Variants in ROBO1 observed in about 807,000 individuals in gnomAD.
ROBO1 encodes roundabout homolog 1.
Under a neutral mutation model 195.9 loss-of-function variants are expected in ROBO1, and 149 were observed. The observed-to-expected ratio is 0.76, with a 90% CI of 0.67 to 0.87. The LOEUF (loss-of-function observed/expected upper bound fraction) is 0.87. Among genes scored for constraint, ROBO1 ranks in the 40% least tolerant of loss-of-function variants. The probability of loss-of-function intolerance (pLI) is 0.00; values close to 1 mark genes in which losing one functional copy is unlikely to be tolerated. For synonymous variants in ROBO1, 816 were observed against 733.2 expected, an observed-to-expected ratio of 1.11 and a Z score of -1.82; for missense variants, 1,933 against 2,068.3, an observed-to-expected ratio of 0.93 and a Z score of 1.27.
chr3:79,164,158 C>T (rs768397447), intron 2 of ROBO1, among the ~76,000 whole-genome samples: 1 of 152,114 alleles, frequency 6.6e-6, no homozygotes, highest in Non-Finnish European at 1.5e-5. Context: ...GAGTCCTCAA[C>T]ATTACACAGT....
At chr3:79,088,180 T>C (rs936101114) in intron 3 of ROBO1, among the ~76,000 whole-genome samples, 1 of 149,574 alleles carries the variant, frequency 6.7e-6, no homozygotes, top group Non-Finnish European at 1.5e-5. Context: ...ACTCTGTCAC[T>C]ATAATATCTG....
chr3:79,694,955 A>C (rs1242985524), intron 1 of ROBO1, among the ~76,000 whole-genome samples: 1 of 151,012 alleles, frequency 6.6e-6, no homozygotes, highest in African/African-American at 2.5e-5. Context: ...TTATGAAAAT[A>C]ATTATAATAA....
At chr3:78,782,279 C>T (rs1403678838) in intron 4 of ROBO1, among the ~76,000 whole-genome samples, 1 of 151,948 alleles carries the variant, frequency 6.6e-6, no homozygotes, top group Non-Finnish European at 1.5e-5. Flanking sequence ...TCTCTGTAAC[C>T]TGTGCCTCCT....
At chr3:79,600,642 C>T (rs1332412337) in intron 1 of ROBO1, among the ~76,000 whole-genome samples, 2 of 103,666 alleles carry the variant, frequency 1.9e-5, no homozygotes, top group Non-Finnish European at 4.7e-5. Context: ...AAAAAGAACG[C>T]CTGCTGATTT....
At chr3:79,498,670 G>A (rs1939883356) in intron 2 of ROBO1, among the ~76,000 whole-genome samples, 1 of 151,920 alleles carries the variant, frequency 6.6e-6, no homozygotes, top group Non-Finnish European at 1.5e-5. Context: ...CCTGCTCAAC[G>A]TGGTGAAACC....
chr3:79,600,389 G>A (rs1005414212), intron 1 of ROBO1, among the ~76,000 whole-genome samples: 1 of 151,946 alleles, frequency 6.6e-6, no homozygotes, highest in Non-Finnish European at 1.5e-5. Context: ...GGTCTGTCTT[G>A]ACACATGTTG....
intron 1 of ROBO1, among the ~76,000 whole-genome samples, chr3:79,734,009 G>A (rs1258112587): frequency 6.8e-6 from 1 of 147,936 alleles, no homozygotes; most frequent in Non-Finnish European, 1.5e-5. Flanking sequence ...TTGCAATGGT[G>A]CGATCTGGTC....
chr3:78,966,637 C>T (rs949929054), intron 3 of ROBO1, among the ~76,000 whole-genome samples: 1 of 152,188 alleles, frequency 6.6e-6, no homozygotes, highest in African/African-American at 2.4e-5. Flanking sequence ...TACTGCTTAA[C>T]TATTGAATTC....
At chr3:78,787,528 T>C (rs1476659448) in intron 4 of ROBO1, among the ~76,000 whole-genome samples, 2 of 152,236 alleles carry the variant, frequency 1.3e-5, no homozygotes, top group African/African-American at 2.4e-5. Context: ...ATGTGTTTTA[T>C]CTTGGGTCTT....
At chr3:78,695,056 G>A (rs9856624) in intron 8 of ROBO1, among the ~76,000 whole-genome samples, 62,084 of 146,522 alleles carry the variant, frequency 0.42, 13,971 homozygotes, top group Middle Eastern at 0.57. Context: ...TTTACTAGCC[G>A]TCAACCCATA....
chr3:79,002,186 T>C (rs984468494), intron 3 of ROBO1, among the ~76,000 whole-genome samples: 2 of 152,056 alleles, frequency 1.3e-5, no homozygotes, highest in African/African-American at 4.8e-5. Context: ...ATGACAGGCA[T>C]ACATGAAATG....
At chr3:79,250,145 C>G (rs1406146692) in intron 2 of ROBO1, among the ~76,000 whole-genome samples, 1 of 152,068 alleles carries the variant, frequency 6.6e-6, no homozygotes, top group Non-Finnish European at 1.5e-5. Context: ...AAGATATCAA[C>G]AGAAATGTCA....
intron 2 of ROBO1, among the ~76,000 whole-genome samples, chr3:79,454,774 T>C (rs1002626568): frequency 6.6e-6 from 1 of 152,146 alleles, no homozygotes; most frequent in African/African-American, 2.4e-5. Flanking sequence ...TTTACATTTG[T>C]TTCTTCAGAA....
intron 4 of ROBO1, among the ~76,000 whole-genome samples, chr3:78,753,046 A>T (rs1481575566): frequency 6.6e-6 from 1 of 152,194 alleles, no homozygotes; most frequent in Non-Finnish European, 1.5e-5. Flanking sequence ...AAAATTGTAC[A>T]TTCTGAAAAT....
chr3:79,564,127 C>T (rs915887753), intron 2 of ROBO1, among the ~76,000 whole-genome samples: 5 of 150,502 alleles, frequency 3.3e-5, no homozygotes, highest in Non-Finnish European at 7.4e-5. Flanking sequence ...TTATTGTTCA[C>T]AATTAGAAAA....
rs780329800 is a variant in ROBO1 at position 78,659,917 on chromosome 3, GCTTT to G, written c.2321-114_2321-111del. On this transcript the variant is annotated intron_variant, in intron 16 of 30. Coordinates refer to ENST00000464233, the MANE Select transcript of ROBO1 (RefSeq NM_002941.4). ...ATGTATTAATACTATATCAATATAT[GCTTT>G]TTTTTTTTTTTTTTTTTGAGACGGA... The G allele has an allele frequency of 9.2e-4, 497 of 542,660 alleles. 2 individuals are homozygous for G. In the African/African-American group the frequency reaches 0.014, roughly 15 times the overall value. The allele number at this position is 542,660 out of a possible 1,614,324, so 33.6% of individuals were successfully genotyped here. A position where few individuals can be genotyped will look rare whatever the true frequency, so the allele number is the denominator to read the frequency against.
At position 78,687,443 on chromosome 3, in the gene ROBO1, T is replaced by A. The variant is rs115375436; in HGVS notation, c.1170+1205A>T. 8.7e-3 allele frequency among the ~76,000 whole-genome samples: 1,331 copies of A among 152,272 alleles called. 20 individuals carry two copies. Among genetic ancestry groups the A allele is most frequent in the Non-Finnish European group, 0.011 (723 of 68,040 alleles). ...AAAGAAAAGGTGAACTTGTTAGCAT[T>A]CCCTACCAAATATTAAATGCAGTCA... On this transcript the variant is annotated intron_variant, in intron 9 of 30. Coordinates refer to ENST00000464233, the MANE Select transcript of ROBO1 (RefSeq NM_002941.4).
At position 78,717,376 on chromosome 3, in the gene ROBO1, T is replaced by G. The variant is rs767162178; in HGVS notation, c.816A>C (p.Ala272=). The G allele has an allele frequency of 4.6e-5, 74 of 1,613,602 alleles. 2 individuals are homozygous for G. The Middle Eastern group carries it at 2.8e-3, about 61-fold the overall frequency. The part of the protein sequence containing the change: ...PSFVKRPSNL[A]VTVDDSAEFK... ...ATTCTGCACTGTCATCCACAGTTACTGCCAAGTTACTGGGTCTCTTCACAA... is the reference window on the plus strand; with the variant it reads ...ATTCTGCACTGTCATCCACAGTTACGGCCAAGTTACTGGGTCTCTTCACAA... The change falls in exon 7 of 31, where the codon GCA becomes GCC. Residue 272 remains alanine (A), a synonymous_variant. Transcript: ENST00000464233.
intron 2 of ROBO1, among the ~76,000 whole-genome samples, chr3:79,336,755 C>T (rs764960311): frequency 8.5e-5 from 13 of 152,178 alleles, no homozygotes; most frequent in East Asian, 1.9e-4. Context: ...ACAGCTTGCA[C>T]TATGCACCTG....
Sources: gnomAD v4.1 joint callset for allele counts (sites outside exome capture counted in the v4.1 genomes callset) on GRCh38, gnomAD v4.1.1 for gene constraint, MANE v1.5 for transcripts, NCBI Gene and HGNC (gene_info 2026-07-23, HGNC 2026-07-21) for gene names.